TECRL: variants seen among roughly 807,000 people sequenced by gnomAD.
TECRL encodes the protein trans-2,3-enoyl-CoA reductase-like.
Under a neutral mutation model 52.8 loss-of-function variants are expected in TECRL, and 63 were observed. The ratio of observed to expected loss-of-function variants is 1.19; its 90% CI spans 0.97 to 1.47. The LOEUF (loss-of-function observed/expected upper bound fraction) is 1.47, where lower values mean the gene tolerates loss of function less well. Ranked by LOEUF, TECRL falls within the 40% of genes most tolerant of loss-of-function variation. The probability of loss-of-function intolerance (pLI) is 0.00; values close to 1 mark genes in which losing one functional copy is unlikely to be tolerated. For synonymous variants in TECRL, 164 were observed against 141.9 expected, an observed-to-expected ratio of 1.16 and a Z score of -1.10; for missense variants, 482 against 429.6, an observed-to-expected ratio of 1.12 and a Z score of -1.08.
chr4:64,383,382 C>T (rs1474404156), intron 1 of TECRL, among the ~76,000 whole-genome samples: 1 of 152,006 alleles, frequency 6.6e-6, no homozygotes, highest in Non-Finnish European at 1.5e-5. Context: ...CCTTCTGGAA[C>T]ACTCAAATTT....
intron 1 of TECRL, among the ~76,000 whole-genome samples, chr4:64,391,265 C>T (rs756211511): frequency 1.3e-5 from 2 of 151,750 alleles, no homozygotes; most frequent in Non-Finnish European, 3.0e-5. Flanking sequence ...GTAAAAATAG[C>T]TTATGTTTTG....
chr4:64,371,694 C>T (rs1030186732), intron 2 of TECRL, among the ~76,000 whole-genome samples: 2 of 151,714 alleles, frequency 1.3e-5, no homozygotes, highest in Non-Finnish European at 3.0e-5. Flanking sequence ...CTCATTCCTG[C>T]TCCAGCTAGC....
At chr4:64,372,963 T>C (rs1423353961) in intron 2 of TECRL, among the ~76,000 whole-genome samples, 1 of 151,690 alleles carries the variant, frequency 6.6e-6, no homozygotes, top group Non-Finnish European at 1.5e-5. Context: ...ATGCTAAAAA[T>C]ATAAGATCCT....
intron 3 of TECRL, 107 bp downstream of exon 3, chr4:64,328,402 AAAT>A: frequency 1.2e-6 from 1 of 855,234 alleles, no homozygotes; most frequent in Non-Finnish European, 1.8e-6. Flanking sequence ...CGAATCAATT[AAAT>A]AATACTAATA....
At chr4:64,334,028 C>G (rs1718853339) in intron 2 of TECRL, among the ~76,000 whole-genome samples, 1 of 3,226 alleles carries the variant, frequency 3.1e-4, no homozygotes. Context: ...GAGACTCCGT[C>G]TCAAAAAAAA....
chr4:64,331,598 A>G (rs1718645825), intron 2 of TECRL, among the ~76,000 whole-genome samples: 1 of 152,212 alleles, frequency 6.6e-6, no homozygotes, highest in African/African-American at 2.4e-5. Context: ...AATCACTTAA[A>G]GATGATTGGA....
intron 2 of TECRL, among the ~76,000 whole-genome samples, chr4:64,352,754 T>G (rs1720485191): frequency 6.6e-6 from 1 of 152,258 alleles, no homozygotes; most frequent in Non-Finnish European, 1.5e-5. Flanking sequence ...TCTATGTGTT[T>G]AGGCATATGC....
intron 1 of TECRL, 104 bp downstream of exon 1, chr4:64,409,014 A>C: frequency 9.5e-7 from 1 of 1,051,898 alleles, no homozygotes; most frequent in Non-Finnish European, 1.3e-6. Flanking sequence ...TCAGAAATGT[A>C]TTTCAGAACA....
At chr4:64,282,965 T>A (rs1425543617) in intron 9 of TECRL, among the ~76,000 whole-genome samples, 1 of 151,992 alleles carries the variant, frequency 6.6e-6, no homozygotes, top group Non-Finnish European at 1.5e-5. Context: ...CCCACCAGAT[T>A]CTTCTTTAGG....
At chr4:64,326,573 C>T (rs1465736763) in intron 3 of TECRL, among the ~76,000 whole-genome samples, 1 of 152,098 alleles carries the variant, frequency 6.6e-6, no homozygotes, top group Non-Finnish European at 1.5e-5. Flanking sequence ...CTACTCCCAG[C>T]TTGTGAGTAG....
intron 4 of TECRL, among the ~76,000 whole-genome samples, chr4:64,319,891 T>A (rs752291615): frequency 6.6e-6 from 1 of 151,840 alleles, no homozygotes; most frequent in South Asian, 2.1e-4. Flanking sequence ...ATTTTCCACA[T>A]GACAAAAATA....
intron 1 of TECRL, among the ~76,000 whole-genome samples, chr4:64,406,955 T>TAATA (rs1380145489): frequency 1.3e-5 from 2 of 151,582 alleles, no homozygotes; most frequent in Admixed American, 6.6e-5. Context: ...ATAATAATAA[T>TAATA]AATAAATAAA....
chr4:64,387,471 C>T lies in TECRL; in HGVS notation c.235-12248G>A, dbSNP rs547110569. Among the ~76,000 whole-genome samples the T allele has an allele frequency of 1.5e-4, 23 of 152,184 alleles. No individual in the cohort carries two copies. The Middle Eastern group carries it at 0.014, about 90-fold the overall frequency. On this transcript the variant is annotated intron_variant, in intron 1 of 11. Transcript: ENST00000381210. ...TGTATGGTAAGAATATATTTAGTTTCGTGAGAAACCATCAAATTGCCTTCC... is the reference window on the plus strand; with the variant it reads ...TGTATGGTAAGAATATATTTAGTTTTGTGAGAAACCATCAAATTGCCTTCC...
chr4:64,381,261 T>C (rs1434187791), intron 1 of TECRL, among the ~76,000 whole-genome samples: 1 of 152,118 alleles, frequency 6.6e-6, no homozygotes, highest in Non-Finnish European at 1.5e-5. Context: ...GTTTACTGAA[T>C]TTATTTATCA....
intron 9 of TECRL, among the ~76,000 whole-genome samples, chr4:64,284,312 A>C (rs749728914): frequency 6.6e-5 from 10 of 151,972 alleles, no homozygotes; most frequent in Non-Finnish European, 1.5e-5. Context: ...GCCTTAGAGA[A>C]ATAGGAATCC....
Position 64,281,382 on chromosome 4 carries a change from T to A in TECRL, c.918+92A>T, listed in dbSNP as rs1722819943. ...ATAAGACCTCTATATTTTTCCTGTA[T>A]ATATTAATTTATAATACATGTAAAT... On this transcript the variant is annotated intron_variant, in intron 10 of 11. Transcript: ENST00000381210. The A allele has an allele frequency of 5.2e-6, 4 of 762,474 alleles. No individual in the cohort carries two copies. In the South Asian group the frequency reaches 7.5e-5, roughly 14 times the overall value. The allele number at this position is 762,474 out of a possible 1,614,324, so 47.2% of individuals were successfully genotyped here.
intron 3 of TECRL, among the ~76,000 whole-genome samples, chr4:64,328,021 T>G (rs1718379135): frequency 6.6e-6 from 1 of 151,998 alleles, no homozygotes; most frequent in African/African-American, 2.4e-5. Context: ...CATTTTTAAG[T>G]GCATTTATTG....
In TECRL at chr4:64,338,108, A is replaced by G. The variant is rs190934645; in HGVS notation, c.287-9552T>C. ...GATATAGACCAATGGAACAGAACAG[A>G]GCCCTCAGAAATAATACCACACATC... On this transcript the variant is annotated intron_variant, in intron 2 of 11. Transcript: ENST00000381210. 5.4e-3 allele frequency among the ~76,000 whole-genome samples: 824 copies of G among 152,284 alleles called. 2 individuals are homozygous for G. The highest frequency in any genetic ancestry group is 0.019 in the African/African-American group (784 of 41,558).
intron 2 of TECRL, among the ~76,000 whole-genome samples, chr4:64,343,848 G>GA (rs1233740940): frequency 1.3e-5 from 2 of 151,650 alleles, no homozygotes; most frequent in African/African-American, 2.4e-5. Flanking sequence ...GCCACGGAGA[G>GA]AAAAAAATAA....
Sources: allele counts gnomAD v4.1 joint callset (sites outside exome capture counted in the v4.1 genomes callset), GRCh38; gene constraint gnomAD v4.1.1; transcripts MANE v1.5; gene names NCBI Gene and HGNC (gene_info 2026-07-23, HGNC 2026-07-21).